MFAP1: variants seen among roughly 807,000 people sequenced by gnomAD.
MFAP1 encodes microfibril associated protein 1, also known as microfibrillar-associated protein 1.
In MFAP1, 18 loss-of-function variants were observed where a neutral mutation model predicts 62.2. That is an observed-to-expected ratio of 0.29 (90% confidence interval 0.20 to 0.43). The LOEUF is 0.43. Among genes scored for constraint, MFAP1 ranks in the 20% least tolerant of loss-of-function variants. The pLI, the probability that MFAP1 is intolerant of heterozygous loss-of-function variation, is 1.00. For synonymous variants in MFAP1, 175 were observed against 180.4 expected (o/e 0.97, Z 0.24); for missense variants, 355 against 559.7 (o/e 0.63, Z 3.69).
chr15:43,816,100 A>G lies in MFAP1; in HGVS notation c.300-1026T>C, dbSNP rs2087432062. On this transcript the variant is annotated intron_variant, in intron 2 of 8. Transcript: ENST00000267812. The stretch of plus-strand genomic sequence containing the variant: ...AAATCAATATAAAACAAGACATGAA[A>G]AAGTGACAGTGCTGATTCCAAGGTT... 5.3e-5 allele frequency among the ~76,000 whole-genome samples: 8 copies of G among 152,312 alleles called. No individual in the cohort carries two copies. The South Asian group carries it at 1.7e-3, about 32-fold the overall frequency.
Position 43,814,904 on chromosome 15 carries a change from C to G in MFAP1, c.429+41G>C, listed in dbSNP as rs113194130. 1,483 of 1,608,674 alleles carry G rather than the reference C, an allele frequency of 9.2e-4. 13 individuals carry two copies. In the African/African-American group the frequency reaches 0.018, roughly 19 times the overall value. ...AAATGAGCACTGGCATGAACTTTTT[C>G]TTATATCCAGAAAAAAACTTCCCAT... On this transcript the variant is annotated intron_variant, in intron 3 of 8. Transcript: ENST00000267812.
intron 2 of MFAP1, among the ~76,000 whole-genome samples, chr15:43,816,680 C>A: frequency 6.6e-6 from 1 of 152,114 alleles, no homozygotes; most frequent in East Asian, 1.9e-4. Flanking sequence ...ACTCCTGGGA[C>A]AATTATGAAC....
rs190332006 is a variant in MFAP1, at chr15:43,820,082, A to C, written c.80-2634T>G. On this transcript the variant is annotated intron_variant, in intron 1 of 8. Coordinates refer to ENST00000267812, the MANE Select transcript of MFAP1 (RefSeq NM_005926.3). The stretch of plus-strand genomic sequence containing the variant: ...AGAATGGCGTGAACCCGGGACACAG[A>C]GCTTGCAGTGAGCGAGATAGCACCA... 2.1e-3 allele frequency among the ~76,000 whole-genome samples: 326 copies of C among 152,224 alleles called. 2 individuals carry two copies. The highest frequency in any genetic ancestry group is 3.3e-3 in the Admixed American group (51 of 15,288).
At chr15:43,809,319 A>G (rs576588421) in intron 7 of MFAP1, among the ~76,000 whole-genome samples, 3 of 151,480 alleles carry the variant, frequency 2.0e-5, no homozygotes, top group African/African-American at 7.3e-5. Flanking sequence ...CTTTACGAAA[A>G]ATTAAAAAAA....
At chr15:43,815,103 C>A (rs1438295955) in intron 2 of MFAP1, 29 bp from the exon 3 acceptor site, 3 of 1,612,896 alleles carry the variant, frequency 1.9e-6, no homozygotes, top group Non-Finnish European at 1.7e-6. Context: ...AAATGTAACA[C>A]CAATGTCATA....
intron 1 of MFAP1, 62 bp from the exon 2 acceptor site, chr15:43,817,510 C>T (rs777845473): frequency 2.6e-5 from 41 of 1,555,474 alleles, no homozygotes; most frequent in African/African-American, 1.8e-4. Flanking sequence ...CAACCCATCA[C>T]GGCCTTTGCA....
intron 2 of MFAP1, among the ~76,000 whole-genome samples, chr15:43,815,584 G>A (rs1415099973): frequency 6.6e-6 from 1 of 151,980 alleles, no homozygotes; most frequent in East Asian, 1.9e-4. Flanking sequence ...AATGTATGTT[G>A]AGGCATCCTG....
chr15:43,816,535 G>A (rs374315019), intron 2 of MFAP1, among the ~76,000 whole-genome samples: 3 of 152,142 alleles, frequency 2.0e-5, no homozygotes, highest in Admixed American at 1.3e-4. Context: ...GTGAGCCACC[G>A]CACCTGGCCA....
chr15:43,812,651 A>C (rs2087409107), intron 6 of MFAP1, among the ~76,000 whole-genome samples: 1 of 152,212 alleles, frequency 6.6e-6, no homozygotes, highest in Non-Finnish European at 1.5e-5. Flanking sequence ...AGTTGTGAAA[A>C]GTAATAAATT....
At chr15:43,809,966 C>G (rs1440202825) in intron 6 of MFAP1, 52 bp from the exon 7 acceptor site, 2 of 1,589,910 alleles carry the variant, frequency 1.3e-6, no homozygotes, top group South Asian at 1.1e-5. Flanking sequence ...TCAGAAAGAC[C>G]AAATTATCTG....
At chr15:43,810,406 G>A (rs1176352426) in intron 6 of MFAP1, among the ~76,000 whole-genome samples, 2 of 147,914 alleles carry the variant, frequency 1.4e-5, no homozygotes, top group Admixed American at 6.8e-5. Context: ...TTGCTCTGTC[G>A]CCCAGGCTGG....
intron 8 of MFAP1, 33 bp from the exon 9 acceptor site, chr15:43,805,309 C>G: frequency 1.3e-6 from 2 of 1,599,144 alleles, no homozygotes; most frequent in East Asian, 2.2e-5. Context: ...GTTATACCAC[C>G]AAACAAACCA....
chr15:43,817,166 C>A, intron 2 of MFAP1, 63 bp downstream of exon 2: 1 of 1,428,742 alleles, frequency 7.0e-7, no homozygotes, highest in Non-Finnish European at 9.8e-7. Context: ...CAAGTATTAG[C>A]TATTATTATT....
chr15:43,814,660 C>A lies in MFAP1; in HGVS notation c.458G>T (p.Arg153Leu). Residue 153 changes from arginine to leucine, a missense_variant, in exon 4 of 9, where the codon CGT becomes CTT. Physicochemically the swap from Arg to Leu is moderately radical, Grantham distance 102. Coordinates refer to ENST00000267812, the MANE Select transcript of MFAP1 (RefSeq NM_005926.3). ...ATTTTTTCTCTCCTGTGCTCGCTGA[C>A]GCATCATGCCACGCCGCCGCTCTAT... is the stretch of plus-strand genomic sequence containing the variant. ...EEIERRRGMM[R>L]QRAQERKNEE... 1 of 1,614,084 alleles carries A rather than the reference C, an allele frequency of 6.2e-7. No homozygotes were observed. The highest frequency in any genetic ancestry group is 8.5e-7 in the Non-Finnish European group (1 of 1,180,024).
chr15:43,822,120 G>A (rs1252076553), intron 1 of MFAP1, among the ~76,000 whole-genome samples: 6 of 151,492 alleles, frequency 4.0e-5, no homozygotes, highest in South Asian at 2.1e-4. Context: ...GCCCAGCATC[G>A]GCCGGACGCA....
intron 4 of MFAP1, 134 bp from the exon 5 acceptor site, chr15:43,813,491 G>C: frequency 1.4e-6 from 1 of 711,864 alleles, no homozygotes; most frequent in Non-Finnish European, 2.2e-6. Flanking sequence ...AGCAAAAAAC[G>C]CTGAGTCATC....
chr15:43,815,111 A>G, intron 2 of MFAP1, 37 bp from the exon 3 acceptor site: 4 of 1,612,312 alleles, frequency 2.5e-6, no homozygotes, highest in Non-Finnish European at 3.4e-6. Context: ...CACCAATGTC[A>G]TAAAAATGAA....
At chr15:43,807,505 C>T (rs956474323) in intron 7 of MFAP1, among the ~76,000 whole-genome samples, 8 of 151,390 alleles carry the variant, frequency 5.3e-5, no homozygotes, top group South Asian at 2.1e-4. Context: ...CCCGCCACCA[C>T]GCCTAGCTAA....
In MFAP1 at chr15:43,805,110, T is replaced by C; in HGVS notation, c.1304A>G (p.Lys435Arg). The C allele has an allele frequency of 6.3e-7, 1 of 1,587,202 alleles. No individual in the cohort carries two copies. The highest frequency in any genetic ancestry group is 8.6e-7 in the Non-Finnish European group (1 of 1,158,382). Reference protein sequence around the residue: ...RDVFERPSAKKRKTT With the variant: ...RDVFERPSAKRRKTT ...AGTTGGACCCTAGGTAGTTTTCCGCTTCTTGGCAGATGGCCGCTCAAATAC... is the reference window on the plus strand; with the variant it reads ...AGTTGGACCCTAGGTAGTTTTCCGCCTCTTGGCAGATGGCCGCTCAAATAC... The change falls in exon 9 of 9, where the codon AAG becomes AGG. Residue 435 changes from lysine to arginine, a missense_variant. Coordinates refer to ENST00000267812, the MANE Select transcript of MFAP1 (RefSeq NM_005926.3).
Sources: gnomAD v4.1 joint callset for allele counts (sites outside exome capture counted in the v4.1 genomes callset) on GRCh38, gnomAD v4.1.1 for gene constraint, MANE v1.5 for transcripts, NCBI Gene and HGNC (gene_info 2026-07-23, HGNC 2026-07-21) for gene names.